Variants in AGBL4 observed in about 807,000 individuals in gnomAD.
AGBL4 encodes cytosolic carboxypeptidase 6.
AGBL4 carries 58 observed loss-of-function variants against 66.4 expected under a neutral mutation model. That is an observed-to-expected ratio of 0.87 (90% CI 0.71 to 1.09). AGBL4 has a LOEUF of 1.09. Ranked by LOEUF, AGBL4 falls within the 50% of genes least tolerant of loss-of-function variation. AGBL4 has a pLI of 0.00. For missense variants in AGBL4, 579 were observed against 631.0 expected (o/e 0.92, Z 0.88); for synonymous variants, 234 against 222.9 (o/e 1.05, Z -0.44).
At chr1:49,686,138 C>T (rs1306589903) in intron 3 of AGBL4, among the ~76,000 whole-genome samples, 4 of 152,108 alleles carry the variant, frequency 2.6e-5, no homozygotes, top group Non-Finnish European at 5.9e-5. Flanking sequence ...ATCCCAACAC[C>T]ATTTATTGAA....
chr1:49,978,354 G>A (rs758878913), intron 1 of AGBL4, among the ~76,000 whole-genome samples: 27 of 152,066 alleles, frequency 1.8e-4, no homozygotes, highest in Admixed American at 7.9e-4. Flanking sequence ...TGAGGCCAGA[G>A]AATCACTTGG....
intron 3 of AGBL4, among the ~76,000 whole-genome samples, chr1:49,256,127 A>T (rs1216000340): frequency 6.6e-6 from 1 of 152,204 alleles, no homozygotes; most frequent in African/African-American, 2.4e-5. Context: ...CTTATGTAAC[A>T]AACTTGCACA....
chr1:48,978,668 C>A (rs1374364129), intron 5 of AGBL4, among the ~76,000 whole-genome samples: 1 of 152,020 alleles, frequency 6.6e-6, no homozygotes. Flanking sequence ...CTTTTTTTCT[C>A]CTTTAGTCCT....
intron 8 of AGBL4, among the ~76,000 whole-genome samples, 131 bp downstream of exon 8, chr1:48,653,185 AGAAATTCTCAAGAGCCAGGGT>A (rs1256843139): frequency 6.6e-6 from 1 of 152,208 alleles, no homozygotes; most frequent in East Asian, 1.9e-4. Context: ...AGCTAATTAA[AGAAATTCTCAAGAGCCAGGGT>A]GAAACTTTCT....
At chr1:49,854,563 A>G (rs1047613368) in intron 1 of AGBL4, among the ~76,000 whole-genome samples, 2 of 152,012 alleles carry the variant, frequency 1.3e-5, no homozygotes, top group African/African-American at 4.8e-5. Context: ...GCAACATGGC[A>G]CCATTTTGAG....
intron 6 of AGBL4, among the ~76,000 whole-genome samples, chr1:48,666,009 A>G (rs1003208148): frequency 2.0e-5 from 3 of 152,222 alleles, no homozygotes; most frequent in Non-Finnish European, 4.4e-5. Context: ...GTCTTCATAA[A>G]ATGATAACAT....
intron 1 of AGBL4, among the ~76,000 whole-genome samples, chr1:50,007,062 A>G (rs1661181227): frequency 6.6e-6 from 1 of 152,088 alleles, no homozygotes; most frequent in Non-Finnish European, 1.5e-5. Flanking sequence ...AAACAAAAAA[A>G]ATTTTAAAGG....
intron 1 of AGBL4, among the ~76,000 whole-genome samples, chr1:49,873,495 T>G (rs1646888934): frequency 6.6e-6 from 1 of 152,068 alleles, no homozygotes; most frequent in Admixed American, 6.6e-5. Flanking sequence ...ATAAACTGCC[T>G]TACCTTTTGT....
chr1:49,955,722 G>A (rs1480393648), intron 1 of AGBL4, among the ~76,000 whole-genome samples: 1 of 151,848 alleles, frequency 6.6e-6, no homozygotes, highest in East Asian at 1.9e-4. Context: ...TGGTATTGAA[G>A]AATGAGACAA....
At chr1:49,724,624 T>C (rs1558193823) in intron 2 of AGBL4, among the ~76,000 whole-genome samples, 5 of 152,118 alleles carry the variant, frequency 3.3e-5, no homozygotes, top group African/African-American at 2.4e-5. Flanking sequence ...CCCCTCAAAA[T>C]TCATATGTTG....
At chr1:49,644,264 A>G (rs1014257671) in intron 3 of AGBL4, among the ~76,000 whole-genome samples, 2 of 151,702 alleles carry the variant, frequency 1.3e-5, no homozygotes, top group African/African-American at 4.8e-5. Flanking sequence ...ACTTACCAAA[A>G]GTAGGCACAA....
chr1:49,440,733 G>GT (rs1378252609), intron 3 of AGBL4, among the ~76,000 whole-genome samples: 2 of 152,116 alleles, frequency 1.3e-5, no homozygotes, highest in Non-Finnish European at 2.9e-5. Context: ...CTCTTATCAC[G>GT]TGAGTGGCTG....
chr1:49,779,843 G>T (rs1644293320), intron 2 of AGBL4, among the ~76,000 whole-genome samples: 1 of 151,990 alleles, frequency 6.6e-6, no homozygotes, highest in Admixed American at 6.6e-5. Context: ...CTTAAGGAAT[G>T]GCAAGTAAGA....
chr1:49,559,969 A>C (rs1396769720), intron 3 of AGBL4, among the ~76,000 whole-genome samples: 1 of 152,126 alleles, frequency 6.6e-6, no homozygotes, highest in East Asian at 1.9e-4. Flanking sequence ...ACGACACCCA[A>C]GTTCTTTCAA....
At chr1:49,167,507 C>G (rs995165213) in intron 4 of AGBL4, among the ~76,000 whole-genome samples, 2 of 152,208 alleles carry the variant, frequency 1.3e-5, no homozygotes, top group Non-Finnish European at 2.9e-5. Context: ...GACCAGGCAC[C>G]TGCCTAGGTC....
intron 9 of AGBL4, among the ~76,000 whole-genome samples, chr1:48,618,215 G>T (rs975956503): frequency 2.0e-5 from 3 of 152,092 alleles, no homozygotes; most frequent in African/African-American, 7.2e-5. Flanking sequence ...AAAACAAAAC[G>T]AAACAAAACA....
At chr1:48,901,221 G>A (rs564514732) in intron 5 of AGBL4, among the ~76,000 whole-genome samples, 114 of 152,220 alleles carry the variant, frequency 7.5e-4, no homozygotes, top group Non-Finnish European at 1.3e-3. Context: ...CCCATACCAA[G>A]TGTTGGTAAG....
At chr1:49,012,460 A>T (rs1662513727) in intron 5 of AGBL4, among the ~76,000 whole-genome samples, 1 of 152,188 alleles carries the variant, frequency 6.6e-6, no homozygotes, top group African/African-American at 2.4e-5. Context: ...TGTGGTACAT[A>T]CTTAACATAA....
intron 5 of AGBL4, among the ~76,000 whole-genome samples, chr1:48,925,815 G>A (rs1357786762): frequency 1.3e-5 from 2 of 152,118 alleles, no homozygotes; most frequent in East Asian, 1.9e-4. Context: ...GTTTCCACCC[G>A]GTGAGATCAG....
Sources: gnomAD v4.1 joint callset for allele counts (sites outside exome capture counted in the v4.1 genomes callset) on GRCh38, gnomAD v4.1.1 for gene constraint, MANE v1.5 for transcripts, NCBI Gene and HGNC (gene_info 2026-07-23, HGNC 2026-07-21) for gene names.